The following PRKCB variants were observed in gnomAD, a reference collection of about 807,000 sequenced individuals.
PRKCB encodes the protein protein kinase C beta.
In PRKCB, 13 loss-of-function variants were observed where a neutral mutation model predicts 81.5. That is an observed-to-expected ratio of 0.16 (90% CI 0.10 to 0.25). The LOEUF (loss-of-function observed/expected upper bound fraction) is 0.25. PRKCB is among the 10% of genes least tolerant of loss of function. The probability of loss-of-function intolerance (pLI) is 1.00; values close to 1 mark genes in which losing one functional copy is unlikely to be tolerated. For synonymous variants in PRKCB, 335 were observed against 321.4 expected (o/e 1.04, Z -0.45); for missense variants, 509 against 875.7 (o/e 0.58, Z 5.29).
At chr16:23,943,156 A>T (rs1964158952) in intron 2 of PRKCB, among the ~76,000 whole-genome samples, 1 of 152,186 alleles carries the variant, frequency 6.6e-6, no homozygotes, top group Non-Finnish European at 1.5e-5. Flanking sequence ...ACTCAGTCAA[A>T]CTCTGAAGCT....
chr16:24,201,807 G>A (rs556575432), intron 16 of PRKCB, among the ~76,000 whole-genome samples: 9 of 152,244 alleles, frequency 5.9e-5, no homozygotes, highest in South Asian at 4.2e-4. Context: ...AGGCTGAGGC[G>A]GGTGGATCAT....
At chr16:23,895,932 C>T (rs1963371470) in intron 2 of PRKCB, among the ~76,000 whole-genome samples, 1 of 152,142 alleles carries the variant, frequency 6.6e-6, no homozygotes, top group African/African-American at 2.4e-5. Context: ...AATATTTCTG[C>T]TCATGGCAGC....
chr16:24,098,463 A>G (rs1966468022), intron 7 of PRKCB: 1 of 152,236 alleles, frequency 6.6e-6, no homozygotes, highest in Admixed American at 6.5e-5. Flanking sequence ...CAAAAAAAAG[A>G]TTTTGGCCAG....
intron 3 of PRKCB, among the ~76,000 whole-genome samples, chr16:24,021,072 C>CTCCCTCCTTTTT: frequency 1.1e-5 from 1 of 94,372 alleles, no homozygotes; most frequent in Non-Finnish European, 2.2e-5. Context: ...CCCTCCCTCC[C>CTCCCTCCTTTTT]TTCTTTCTTT....
intron 10 of PRKCB, among the ~76,000 whole-genome samples, chr16:24,159,654 C>T (rs2051684): frequency 0.18 from 27,534 of 152,162 alleles, 2,680 homozygotes; most frequent in South Asian, 0.3. Context: ...CTTTGCTAAC[C>T]TACCTGTGCC....
At chr16:24,042,685 G>A (rs1965716441) in intron 5 of PRKCB, among the ~76,000 whole-genome samples, 1 of 150,136 alleles carries the variant, frequency 6.7e-6, no homozygotes, top group African/African-American at 2.5e-5. Context: ...TTACTTGTAG[G>A]GTTTCTTTTT....
chr16:24,070,147 A>T (rs555134691), intron 5 of PRKCB, among the ~76,000 whole-genome samples: 2,633 of 134,954 alleles, frequency 0.02, 80 homozygotes, highest in African/African-American at 0.068. Context: ...AAACCAGGGG[A>T]TTTTTTTTTT....
intron 15 of PRKCB, among the ~76,000 whole-genome samples, chr16:24,189,758 A>G (rs893697757): frequency 6.6e-6 from 1 of 152,162 alleles, no homozygotes; most frequent in African/African-American, 2.4e-5. Flanking sequence ...TGAGACCACA[A>G]ATTATCTTGC....
chr16:24,214,731 A>G lies in PRKCB; in HGVS notation c.1937A>G (p.Glu646Gly). 1 of 1,614,210 alleles carries G rather than the reference A, an allele frequency of 6.2e-7. No homozygotes were observed. Among genetic ancestry groups the G allele is most frequent in the Non-Finnish European group, 8.5e-7 (1 of 1,180,034 alleles). ...CCAGTCCTAACACCTCCCGACCAGG[A>G]AGTCATCAGGAATATTGACCAATCA... ...HPPVLTPPDQ[E>G]VIRNIDQSEF... The change falls in exon 17 of 17, where the codon GAA becomes GGA. Residue 646 changes from glutamate (E) to glycine (G), a missense_variant. Glu to Gly is a moderately conservative substitution (Grantham distance 98, BLOSUM62 -2). Around this residue, in one of 6 missense-constraint regions of PRKCB, gnomAD observed 104 missense variants for 160.5 expected, o/e 0.65. Transcript: ENST00000643927.
intron 2 of PRKCB, among the ~76,000 whole-genome samples, chr16:23,860,322 G>A (rs535082120): frequency 2.6e-5 from 4 of 152,118 alleles, no homozygotes; most frequent in Non-Finnish European, 5.9e-5. Context: ...ATGAATAGCA[G>A]CAGAGAATAC....
chr16:23,914,730 A>G (rs1443177609), intron 2 of PRKCB, among the ~76,000 whole-genome samples: 1 of 152,100 alleles, frequency 6.6e-6, no homozygotes, highest in East Asian at 1.9e-4. Context: ...CTTGTGCCCA[A>G]TCGATTTCAC....
intron 7 of PRKCB, among the ~76,000 whole-genome samples, chr16:24,096,319 C>G (rs900823391): frequency 6.6e-6 from 1 of 151,958 alleles, no homozygotes; most frequent in East Asian, 1.9e-4. Context: ...TAACTTGGCC[C>G]GAGCCCAGGA....
chr16:24,193,212 G>A (rs1038442436), intron 16 of PRKCB, among the ~76,000 whole-genome samples: 3 of 151,924 alleles, frequency 2.0e-5, no homozygotes, highest in African/African-American at 7.3e-5. Flanking sequence ...GGAAGCCGAG[G>A]TGGGTGGATC....
chr16:23,960,573 C>A (rs1441482219), intron 2 of PRKCB, among the ~76,000 whole-genome samples: 1 of 152,074 alleles, frequency 6.6e-6, no homozygotes, highest in Non-Finnish European at 1.5e-5. Context: ...CGACCCATCA[C>A]CTAGGTATTA....
chr16:23,948,143 T>A (rs1215216455), intron 2 of PRKCB, among the ~76,000 whole-genome samples: 1 of 152,112 alleles, frequency 6.6e-6, no homozygotes, highest in East Asian at 1.9e-4. Context: ...TGGTGGGGCT[T>A]CTAGCAAGAT....
In PRKCB at chr16:24,052,287, T is replaced by A. The variant is rs1185003007; in HGVS notation, c.529+16740T>A. ...TCAGTAGACATTGAAGAATGAGAAT[T>A]TGAATTTCTAACAGGTCCCCAGAGA... On this transcript the variant is annotated intron_variant, in intron 5 of 16. Transcript: ENST00000643927. Among the ~76,000 whole-genome samples the A allele has an allele frequency of 3.3e-5, 5 of 152,214 alleles. No homozygotes were observed. In the East Asian group the frequency reaches 9.7e-4, roughly 29 times the overall value.
chr16:23,878,273 T>G (rs147505408), intron 2 of PRKCB, among the ~76,000 whole-genome samples: 1 of 152,354 alleles, frequency 6.6e-6, no homozygotes, highest in Non-Finnish European at 1.5e-5. Context: ...TTTCATCCAC[T>G]GATCAACCCG....
At chr16:23,973,275 G>A (rs939917266) in intron 2 of PRKCB, among the ~76,000 whole-genome samples, 3 of 151,984 alleles carry the variant, frequency 2.0e-5, no homozygotes, top group Admixed American at 6.5e-5. Flanking sequence ...TTCACCTCCC[G>A]GGTTCAAGCA....
chr16:24,073,077 T>C (rs1229688784), intron 5 of PRKCB, among the ~76,000 whole-genome samples: 1 of 152,218 alleles, frequency 6.6e-6, no homozygotes, highest in African/African-American at 2.4e-5. Flanking sequence ...CTGGCCTTGT[T>C]AGTTTCTTCT....
Sources: allele counts gnomAD v4.1 joint callset (sites outside exome capture counted in the v4.1 genomes callset), GRCh38; gene constraint gnomAD v4.1.1; regional missense constraint gnomAD v4.1.1; transcripts MANE v1.5; gene names NCBI Gene and HGNC (gene_info 2026-07-23, HGNC 2026-07-21).